CTNND2: variants seen among roughly 807,000 people sequenced by gnomAD.
CTNND2 encodes the protein catenin delta 2.
Under a neutral mutation model 144.4 loss-of-function variants are expected in CTNND2, and 22 were observed. The observed-to-expected ratio is 0.15, with a 90% CI of 0.11 to 0.22. The LOEUF (loss-of-function observed/expected upper bound fraction) is 0.22. CTNND2 is among the 10% of genes least tolerant of loss of function. The probability of loss-of-function intolerance (pLI) is 1.00; values close to 1 mark genes in which losing one functional copy is unlikely to be tolerated. For synonymous variants in CTNND2, 751 were observed against 695.6 expected (o/e 1.08, Z -1.25); for missense variants, 1,353 against 1,618.8 (o/e 0.84, Z 2.82).
intron 3 of CTNND2, among the ~76,000 whole-genome samples, chr5:11,443,970 A>G (rs894537869): frequency 2.0e-5 from 3 of 152,188 alleles, no homozygotes; most frequent in Non-Finnish European, 4.4e-5. Context: ...CAACGGCACA[A>G]TTTTCTTTGT....
chr5:11,797,917 G>A (rs986874330), intron 1 of CTNND2, among the ~76,000 whole-genome samples: 1 of 152,094 alleles, frequency 6.6e-6, no homozygotes, highest in African/African-American at 2.4e-5. Flanking sequence ...AATGACTTTA[G>A]TTTAAAAGTA....
intron 1 of CTNND2, among the ~76,000 whole-genome samples, chr5:11,756,863 T>C (rs1788972304): frequency 6.6e-6 from 1 of 151,680 alleles, no homozygotes; most frequent in African/African-American, 2.4e-5. Context: ...GCATTGCTTT[T>C]AGTTGTTATG....
chr5:11,682,107 T>C (rs907096827), intron 2 of CTNND2, among the ~76,000 whole-genome samples: 1 of 152,210 alleles, frequency 6.6e-6, no homozygotes, highest in African/African-American at 2.4e-5. Context: ...TGAGACACAG[T>C]GCAGAGTCAT....
intron 9 of CTNND2, among the ~76,000 whole-genome samples, chr5:11,303,342 G>T (rs952280548): frequency 2.0e-5 from 3 of 152,180 alleles, no homozygotes; most frequent in African/African-American, 4.8e-5. Context: ...AGCCTAACAC[G>T]GTAGTTATGC....
chr5:11,528,973 C>A (rs909047124), intron 3 of CTNND2, among the ~76,000 whole-genome samples: 16 of 152,180 alleles, frequency 1.1e-4, no homozygotes, highest in African/African-American at 3.9e-4. Context: ...CTCACAGAGG[C>A]CGGCGTTGAC....
chr5:11,159,671 G>T lies in CTNND2; in HGVS notation c.2064C>A (p.Ile688=), dbSNP rs1263288498. 1.2e-6 allele frequency: 2 copies of T among 1,613,572 alleles called. No individual in the cohort carries two copies. The highest frequency in any genetic ancestry group is 4.5e-5 in the East Asian group (2 of 44,842). ...GCGAATTTTCCCAGCCTGAGTGGGG[G>T]ATAATCACCGCGTTGGTCAGTACTG... The part of the protein sequence containing the change: ...ALAVLTNAVI[I]PHSGWENSPL... Residue 688 remains isoleucine, a synonymous_variant, in exon 12 of 22, where the codon ATC becomes ATA. Transcript: ENST00000304623.
chr5:11,674,703 T>TTTTGTTTGTTTG (rs762197186), intron 2 of CTNND2, among the ~76,000 whole-genome samples: 1 of 144,790 alleles, frequency 6.9e-6, no homozygotes, highest in Non-Finnish European at 1.5e-5. Flanking sequence ...TATGCAGTTT[T>TTTTGTTTGTTTG]TTTGTTTGTT....
At chr5:11,634,899 T>G (rs1307665389) in intron 2 of CTNND2, among the ~76,000 whole-genome samples, 1 of 152,008 alleles carries the variant, frequency 6.6e-6, no homozygotes, top group East Asian at 1.9e-4. Flanking sequence ...AAATAGTCCA[T>G]TATTTTTGGC....
chr5:10,980,340 A>G (rs1480692227), intron 21 of CTNND2, among the ~76,000 whole-genome samples: 1 of 152,206 alleles, frequency 6.6e-6, no homozygotes, highest in Non-Finnish European at 1.5e-5. Context: ...AATCAAAACC[A>G]CAATGAGATA....
chr5:11,044,438 A>G (rs1745003141), intron 16 of CTNND2, among the ~76,000 whole-genome samples: 1 of 152,100 alleles, frequency 6.6e-6, no homozygotes, highest in South Asian at 2.1e-4. Context: ...TCTTCATATT[A>G]TAGAACGATA....
chr5:11,872,890 A>G (rs1735265337), intron 1 of CTNND2, among the ~76,000 whole-genome samples: 1 of 152,210 alleles, frequency 6.6e-6, no homozygotes, highest in South Asian at 2.1e-4. Context: ...TAAAACCATA[A>G]AAACCCTAGA....
intron 11 of CTNND2, among the ~76,000 whole-genome samples, chr5:11,187,115 G>A (rs1450265753): frequency 6.6e-6 from 1 of 152,140 alleles, no homozygotes; most frequent in East Asian, 1.9e-4. Context: ...TGGCTCTAGA[G>A]GCATCTGCAA....
At chr5:11,371,669 A>G (rs1757489665) in intron 7 of CTNND2, among the ~76,000 whole-genome samples, 1 of 152,212 alleles carries the variant, frequency 6.6e-6, no homozygotes, top group Non-Finnish European at 1.5e-5. Flanking sequence ...ATATTTTCCT[A>G]TGTATTCTGA....
intron 3 of CTNND2, among the ~76,000 whole-genome samples, chr5:11,495,103 T>C (rs924177997): frequency 2.0e-5 from 3 of 152,194 alleles, no homozygotes; most frequent in African/African-American, 7.2e-5. Flanking sequence ...ACGAAATCAT[T>C]TTGCCACAGT....
chr5:11,165,869 A>T (rs1241882823), intron 11 of CTNND2, among the ~76,000 whole-genome samples: 3 of 152,184 alleles, frequency 2.0e-5, no homozygotes, highest in Non-Finnish European at 4.4e-5. Flanking sequence ...GATGAAGACT[A>T]TCTTGGTTAA....
At chr5:11,539,139 C>T (rs1774488426) in intron 3 of CTNND2, among the ~76,000 whole-genome samples, 1 of 152,082 alleles carries the variant, frequency 6.6e-6, no homozygotes, top group South Asian at 2.1e-4. Flanking sequence ...TCAGGGAGTC[C>T]ACTCTCCATG....
At chr5:11,676,144 T>C (rs1264367389) in intron 2 of CTNND2, among the ~76,000 whole-genome samples, 1 of 152,012 alleles carries the variant, frequency 6.6e-6, no homozygotes, top group East Asian at 2.0e-4. Flanking sequence ...TATAACATTT[T>C]CAATTGCTTA....
intron 16 of CTNND2, among the ~76,000 whole-genome samples, chr5:11,063,472 C>T (rs1278855657): frequency 5.9e-5 from 9 of 151,930 alleles, no homozygotes. Flanking sequence ...GAAATATTTA[C>T]AATATATCTT....
chr5:11,497,988 A>G (rs181487300), intron 3 of CTNND2, among the ~76,000 whole-genome samples: 86 of 152,236 alleles, frequency 5.6e-4, no homozygotes, highest in Middle Eastern at 3.4e-3. Context: ...ACAACTGCAC[A>G]TCAAAGGGGC....
Sources: gnomAD v4.1 joint callset for allele counts (sites outside exome capture counted in the v4.1 genomes callset) on GRCh38, gnomAD v4.1.1 for gene constraint, MANE v1.5 for transcripts, NCBI Gene and HGNC (gene_info 2026-07-23, HGNC 2026-07-21) for gene names.